POFUT3: variants seen among roughly 807,000 people sequenced by gnomAD.
POFUT3 encodes protein O-fucosyltransferase 3, also known as GDP-fucose protein O-fucosyltransferase 3.
At chr8:33,439,199 G>A in the POFUT3 span, among the ~76,000 whole-genome samples, 1 of 152,050 alleles carries the variant, frequency 6.6e-6, no homozygotes, top group East Asian at 1.9e-4. Context: ...CAGGTCAGGA[G>A]TTCAAGACCA....
At chr8:33,424,926 G>A in the POFUT3 span, among the ~76,000 whole-genome samples, 2 of 152,168 alleles carry the variant, frequency 1.3e-5, no homozygotes, top group Non-Finnish European at 2.9e-5. Flanking sequence ...ATTCAACAGT[G>A]AGCAAAGTGA....
the POFUT3 span, among the ~76,000 whole-genome samples, chr8:33,316,778 G>A: frequency 7.9e-5 from 12 of 151,134 alleles, no homozygotes; most frequent in South Asian, 2.1e-4. Context: ...GCAAAAATTT[G>A]TTGTGTCTGT....
the POFUT3 span, among the ~76,000 whole-genome samples, chr8:33,388,368 GCT>G: frequency 8.0e-6 from 1 of 124,264 alleles, no homozygotes; most frequent in East Asian, 2.7e-4. Flanking sequence ...ACAGAGTCTC[GCT>G]CTGTCGCCCA....
At chr8:33,451,375 T>C in the POFUT3 span, among the ~76,000 whole-genome samples, 1 of 152,074 alleles carries the variant, frequency 6.6e-6, no homozygotes, top group African/African-American at 2.4e-5. Flanking sequence ...AGTATGTGTA[T>C]GTATGTAAGT....
chr8:33,348,901 G>T, the POFUT3 span, among the ~76,000 whole-genome samples: 1 of 152,120 alleles, frequency 6.6e-6, no homozygotes, highest in African/African-American at 2.4e-5. Context: ...GTGATGAGTG[G>T]CTCTTAAAGA....
the POFUT3 span, among the ~76,000 whole-genome samples, chr8:33,390,532 G>T: frequency 2.9e-5 from 4 of 138,650 alleles, no homozygotes; most frequent in African/African-American, 1.1e-4. Context: ...AACCAGGTCA[G>T]CAGGTTGATT....
chr8:33,461,643 C>T, the POFUT3 span: 30 of 1,523,710 alleles, frequency 2.0e-5, no homozygotes, highest in Non-Finnish European at 2.6e-5. Flanking sequence ...GGCTTGGCAT[C>T]GAGAGGAAGC....
the POFUT3 span, among the ~76,000 whole-genome samples, chr8:33,362,610 G>A: frequency 3.1e-4 from 47 of 151,854 alleles, no homozygotes; most frequent in South Asian, 8.3e-3. Flanking sequence ...AAAAAACCAG[G>A]GGTTGCAATC....
chr8:33,438,286 CAT>C, the POFUT3 span, among the ~76,000 whole-genome samples: 12,399 of 152,220 alleles, frequency 0.081, 646 homozygotes, highest in African/African-American at 0.15. Context: ...ATCAGCAAGA[CAT>C]AGATTCTGGC....
the POFUT3 span, among the ~76,000 whole-genome samples, chr8:33,444,651 T>C: frequency 1 from 152,092 of 152,092 alleles, 76,046 homozygotes; most frequent in Non-Finnish European, 1. Context: ...AACACCGTCT[T>C]TACTAAAAAT....
the POFUT3 span, chr8:33,372,421 T>G: frequency 2.1e-6 from 3 of 1,419,120 alleles, no homozygotes; most frequent in African/African-American, 4.3e-5. Context: ...GTAATTTACA[T>G]CTATTCCTTG....
chr8:33,331,568 T>C, the POFUT3 span, among the ~76,000 whole-genome samples: 345 of 152,194 alleles, frequency 2.3e-3, 7 homozygotes, highest in East Asian at 0.061. Flanking sequence ...ACACCTGTAA[T>C]CTCAGCACTT....
At chr8:33,370,714 T>C in the POFUT3 span, 1 of 152,234 alleles carries the variant, frequency 6.6e-6, no homozygotes, top group African/African-American at 2.4e-5. Flanking sequence ...GGGTATTTGC[T>C]GAAGGCATTT....
At chr8:33,445,564 G>A in the POFUT3 span, among the ~76,000 whole-genome samples, 1 of 152,138 alleles carries the variant, frequency 6.6e-6, no homozygotes, top group African/African-American at 2.4e-5. Flanking sequence ...TCCCATCAAT[G>A]GTGATATAAT....
the POFUT3 span, among the ~76,000 whole-genome samples, chr8:33,331,500 G>C: frequency 6.6e-6 from 1 of 152,188 alleles, no homozygotes; most frequent in South Asian, 2.1e-4. Flanking sequence ...TGGAGGTTTG[G>C]CCTATGCAAG....
At chr8:33,407,140 C>T in the POFUT3 span, among the ~76,000 whole-genome samples, 1 of 152,112 alleles carries the variant, frequency 6.6e-6, no homozygotes, top group South Asian at 2.1e-4. Flanking sequence ...TTATGTGGCA[C>T]AGTAAAATGC....
chr8:33,311,704 T>TG, the POFUT3 span, among the ~76,000 whole-genome samples: 1 of 152,160 alleles, frequency 6.6e-6, no homozygotes, highest in African/African-American at 2.4e-5. Context: ...CCCTATTCCT[T>TG]CTACATAAGC....
the POFUT3 span, among the ~76,000 whole-genome samples, chr8:33,433,611 C>CAAA: frequency 2.1e-5 from 3 of 140,570 alleles, no homozygotes; most frequent in African/African-American, 5.3e-5. Context: ...GACTTCGTCT[C>CAAA]AAAAAAAAAA....
chr8:33,369,250 G>T, the POFUT3 span, among the ~76,000 whole-genome samples: 7 of 152,086 alleles, frequency 4.6e-5, no homozygotes, highest in Non-Finnish European at 8.8e-5. Context: ...ATCTTAGAAA[G>T]GCCATATAAC....
Sources: gnomAD v4.1 joint callset for allele counts (sites outside exome capture counted in the v4.1 genomes callset) on GRCh38, gnomAD v4.1.1 for gene constraint, MANE v1.5 for transcripts, NCBI Gene and HGNC (gene_info 2026-07-23, HGNC 2026-07-21) for gene names.